Variants in TMC2 observed in about 807,000 individuals in gnomAD.
TMC2 encodes transmembrane channel-like protein 2.
TMC2 carries 102 observed loss-of-function variants against 105.9 expected under a neutral mutation model. The ratio of observed to expected loss-of-function variants is 0.96; its 90% CI spans 0.82 to 1.14. The LOEUF is 1.14. TMC2 is among the 50% of genes most tolerant of loss of function. The pLI, the probability that TMC2 is intolerant of heterozygous loss-of-function variation, is 0.00. For synonymous variants in TMC2, 402 were observed against 422.8 expected (o/e 0.95, Z 0.60); for missense variants, 1,093 against 1,134.3 (o/e 0.96, Z 0.52).
intron 8 of TMC2, among the ~76,000 whole-genome samples, chr20:2,593,629 G>A (rs953363952): frequency 2.6e-5 from 4 of 152,242 alleles, no homozygotes; most frequent in South Asian, 4.1e-4. Flanking sequence ...GGCAAAATGC[G>A]TTTTTCCATC....
intron 16 of TMC2, among the ~76,000 whole-genome samples, chr20:2,620,542 A>C (rs75799851): frequency 1.3e-5 from 2 of 152,364 alleles, no homozygotes; most frequent in South Asian, 4.1e-4. Context: ...GTACATTCTC[A>C]TGACATACAT....
intron 16 of TMC2, among the ~76,000 whole-genome samples, chr20:2,623,934 CACAG>C (rs1361444118): frequency 1.3e-5 from 2 of 152,172 alleles, no homozygotes; most frequent in Admixed American, 6.5e-5. Flanking sequence ...TAGCTACAAA[CACAG>C]ACAATTTCTC....
rs565664102 is a variant in TMC2, at chr20:2,594,225, C to CTTTTTTTTTTTTTTTTT, written c.934-596_934-580dup. Among the ~76,000 whole-genome samples, 303 of 113,760 alleles carry CTTTTTTTTTTTTTTTTT rather than the reference C, an allele frequency of 2.7e-3. 15 individuals carry two copies. Among genetic ancestry groups the CTTTTTTTTTTTTTTTTT allele is most frequent in the Middle Eastern group, 0.012 (2 of 168 alleles). The allele number at this position is 113,760 out of a possible 152,430, so 74.6% of individuals were successfully genotyped here. On this transcript the variant is annotated intron_variant, in intron 8 of 19. Coordinates refer to ENST00000358864, the MANE Select transcript of TMC2 (RefSeq NM_080751.3). ...CCAACTATACTGTTACTAAGGATTCCTTTTTTTTTTTTTTTTTTTTGAGAC... is the reference window on the plus strand; with the variant it reads ...CCAACTATACTGTTACTAAGGATTCCTTTTTTTTTTTTTTTTTTTTTTTTTTTTTTTTTTTTTGAGAC...
Position 2,587,398 on chromosome 20 carries a change from C to G in TMC2, c.835-4912C>G, listed in dbSNP as rs564119514. Among the ~76,000 whole-genome samples, 8 of 152,134 alleles carry G rather than the reference C, an allele frequency of 5.3e-5. No homozygotes were observed. The South Asian group carries it at 1.5e-3, about 28-fold the overall frequency. ...ATGTATTATCTTTTTTATATATCAT[C>G]TGATTTTGATTTGTGAATATTTTAT... On this transcript the variant is annotated intron_variant, in intron 7 of 19. Coordinates refer to ENST00000358864, the MANE Select transcript of TMC2 (RefSeq NM_080751.3).
At chr20:2,570,968 C>T (rs775296501) in intron 4 of TMC2, among the ~76,000 whole-genome samples, 1 of 152,072 alleles carries the variant, frequency 6.6e-6, no homozygotes, top group South Asian at 2.1e-4. Context: ...TGAAACTGGA[C>T]CCCCGCCTCT....
chr20:2,578,748 G>A (rs900994095), intron 5 of TMC2, among the ~76,000 whole-genome samples: 1 of 151,598 alleles, frequency 6.6e-6, no homozygotes, highest in Non-Finnish European at 1.5e-5. Flanking sequence ...ACGTGGGTCT[G>A]AGAGTAGCCA....
At chr20:2,633,532 C>T (rs1014683740) in intron 17 of TMC2, among the ~76,000 whole-genome samples, 3 of 152,214 alleles carry the variant, frequency 2.0e-5, no homozygotes, top group African/African-American at 4.8e-5. Flanking sequence ...CCTCTGATTG[C>T]TTTTGCCAAT....
Position 2,616,202 on chromosome 20 carries a change from C to T in TMC2, c.1938C>T (p.Ile646=). The change falls in exon 15 of 20, where the codon ATC becomes ATT. Residue 646 remains isoleucine, a splice_region_variant and synonymous_variant. Transcript: ENST00000358864. The surrounding 1 kb of genome is among the most constrained non-coding windows in gnomAD (Gnocchi z 4.8). ...GTTTGATCTTCAACCAAGGAATGATCTGGTGAGTTATCCATTTCATCTGGT... is the reference window on the plus strand; with the variant it reads ...GTTTGATCTTCAACCAAGGAATGATTTGGTGAGTTATCCATTTCATCTGGT... ...VLGLIFNQGM[I]WMGSFYAPGL... is the part of the protein sequence containing the mutation. 4 of 1,612,086 alleles carry T rather than the reference C, an allele frequency of 2.5e-6. No homozygotes were observed. Among genetic ancestry groups the T allele is most frequent in the Non-Finnish European group, 3.4e-6 (4 of 1,178,252 alleles).
chr20:2,590,720 T>C (rs935730262), intron 7 of TMC2, among the ~76,000 whole-genome samples: 2 of 152,104 alleles, frequency 1.3e-5, no homozygotes, highest in African/African-American at 2.4e-5. Flanking sequence ...AAAGTTATTT[T>C]GGTTTGCAGG....
In TMC2 at chr20:2,621,583, C is replaced by T. The variant is rs2086525613; in HGVS notation, c.2181-2688C>T. 2.0e-5 allele frequency among the ~76,000 whole-genome samples: 3 copies of T among 151,890 alleles called. No individual in the cohort carries two copies. In the South Asian group the frequency reaches 6.2e-4, roughly 32 times the overall value. ...ACTCGCAAGGCTGAGGCAGGAGAAT[C>T]ACTTGAACCCGGGAGGCAGAGGTTG... On this transcript the variant is annotated intron_variant, in intron 16 of 19. Transcript: ENST00000358864.
At chr20:2,587,335 C>T (rs2086238069) in intron 7 of TMC2, among the ~76,000 whole-genome samples, 1 of 152,030 alleles carries the variant, frequency 6.6e-6, no homozygotes, top group Non-Finnish European at 1.5e-5. Context: ...AAATGTTAAA[C>T]CAGATTGCAT....
chr20:2,615,068 T>A (rs926307061), intron 14 of TMC2, among the ~76,000 whole-genome samples: 3 of 152,134 alleles, frequency 2.0e-5, no homozygotes, highest in African/African-American at 7.2e-5. Flanking sequence ...CACATTGTAG[T>A]CCCAGCACTT....
chr20:2,576,365 C>G (rs755393758), intron 5 of TMC2, among the ~76,000 whole-genome samples: 11 of 152,190 alleles, frequency 7.2e-5, no homozygotes, highest in Non-Finnish European at 8.8e-5. Flanking sequence ...AGAGCATCTC[C>G]CAGGCCTCTC....
chr20:2,551,406 T>C (rs919468745), intron 2 of TMC2, among the ~76,000 whole-genome samples: 1 of 151,918 alleles, frequency 6.6e-6, no homozygotes, highest in African/African-American at 2.4e-5. Flanking sequence ...TGTGGGTTTT[T>C]TTTTTTAATT....
chr20:2,550,981 A>T (rs1034176486), intron 2 of TMC2, among the ~76,000 whole-genome samples: 1 of 152,196 alleles, frequency 6.6e-6, no homozygotes, highest in Non-Finnish European at 1.5e-5. Flanking sequence ...ATAAATTTTC[A>T]ACTCATTTGG....
At chr20:2,630,344 G>C (rs755453539) in intron 17 of TMC2, among the ~76,000 whole-genome samples, 5 of 152,078 alleles carry the variant, frequency 3.3e-5, no homozygotes, top group African/African-American at 4.8e-5. Flanking sequence ...CTTAAATTCT[G>C]TTTTTGCTTC....
At chr20:2,608,873 G>A (rs2086413824) in intron 11 of TMC2, among the ~76,000 whole-genome samples, 1 of 152,098 alleles carries the variant, frequency 6.6e-6, no homozygotes. Flanking sequence ...AAGTTCTTGT[G>A]GGCAGAGTGT....
rs777013129 is a variant in TMC2, at chr20:2,602,226, C to A, written c.1338C>A (p.Tyr446Ter). The A allele has an allele frequency of 3.1e-6, 5 of 1,613,200 alleles. No individual in the cohort carries two copies. The highest frequency in any genetic ancestry group is 1.3e-5 in the African/African-American group (1 of 74,856). The change falls in exon 11 of 20, where the codon TAC (tyrosine) becomes TAA (stop). Residue 446 changes from tyrosine to a stop codon, truncating the protein, a stop_gained. Transcript: ENST00000358864. LOFTEE classifies it high-confidence loss of function. ...TCTGCTGTTTGTGTGGAAGTGGGTACCTCATTTACTTTGTGGTTAAGCGAT... is the reference window on the plus strand; with the variant it reads ...TCTGCTGTTTGTGTGGAAGTGGGTAACTCATTTACTTTGTGGTTAAGCGAT... Reference protein sequence around the residue: ...LIICCLCGSGYLIYFVVKRSQ... With the variant: ...LIICCLCGSG
intron 7 of TMC2, among the ~76,000 whole-genome samples, chr20:2,584,624 C>T (rs2086219988): frequency 6.6e-6 from 1 of 152,052 alleles, no homozygotes; most frequent in Admixed American, 6.6e-5. Flanking sequence ...AATGTAGTGA[C>T]TTAAATACAG....
Sources: allele counts gnomAD v4.1 joint callset (sites outside exome capture counted in the v4.1 genomes callset), GRCh38; gene constraint gnomAD v4.1.1; non-coding constraint Gnocchi (gnomAD v3.1); transcripts MANE v1.5; gene names NCBI Gene and HGNC (gene_info 2026-07-23, HGNC 2026-07-21).